Variants in GALNT13 observed in about 807,000 individuals in gnomAD.
GALNT13 encodes polypeptide N-acetylgalactosaminyltransferase 13, also known as UDP-GalNAc:polypeptide N-acetylgalactosaminyltransferase 13.
A neutral mutation model predicts 64.2 loss-of-function variants in GALNT13; 28 were observed. The ratio of observed to expected loss-of-function variants is 0.44; its 90% CI spans 0.32 to 0.60. The LOEUF (loss-of-function observed/expected upper bound fraction) is 0.60, where lower values mean the gene tolerates loss of function less well. Among genes scored for constraint, GALNT13 ranks in the 20% least tolerant of loss-of-function variants. GALNT13 has a pLI of 0.05. For missense variants in GALNT13, 577 were observed against 669.8 expected (o/e 0.86, Z 1.53); for synonymous variants, 214 against 224.6 (o/e 0.95, Z 0.42).
the GALNT13 span, among the ~76,000 whole-genome samples, chr2:153,648,727 G>A: frequency 2.0e-5 from 3 of 151,544 alleles, no homozygotes; most frequent in African/African-American, 7.3e-5. Context: ...AGATGATCAT[G>A]TGGTTTTTGT....
At chr2:153,805,525 T>A in the GALNT13 span, among the ~76,000 whole-genome samples, 1 of 152,048 alleles carries the variant, frequency 6.6e-6, no homozygotes, top group Non-Finnish European at 1.5e-5. Flanking sequence ...TAGAGAGACA[T>A]TGACATAACT....
At chr2:153,643,566 T>C in the GALNT13 span, among the ~76,000 whole-genome samples, 1 of 151,594 alleles carries the variant, frequency 6.6e-6, no homozygotes, top group African/African-American at 2.4e-5. Flanking sequence ...TAATCCAATC[T>C]CCACAAAATT....
At chr2:154,306,993 T>A in intron 9 of GALNT13, among the ~76,000 whole-genome samples, 1 of 118,346 alleles carries the variant, frequency 8.4e-6, no homozygotes, top group East Asian at 2.0e-4. Context: ...GGGCTGTTAT[T>A]TTTTTTTTTT....
At chr2:153,483,023 G>A in the GALNT13 span, among the ~76,000 whole-genome samples, 1 of 152,226 alleles carries the variant, frequency 6.6e-6, no homozygotes, top group Non-Finnish European at 1.5e-5. Flanking sequence ...TCTGGAAAGT[G>A]AGTGAAACAT....
At chr2:153,191,206 T>A in the GALNT13 span, among the ~76,000 whole-genome samples, 4 of 152,194 alleles carry the variant, frequency 2.6e-5, no homozygotes, top group South Asian at 8.3e-4. Flanking sequence ...GTTAGCTGTA[T>A]GTTTGTCTTA....
intron 3 of GALNT13, among the ~76,000 whole-genome samples, chr2:154,009,668 T>A (rs1574320665): frequency 6.6e-6 from 1 of 152,072 alleles, no homozygotes; most frequent in South Asian, 2.1e-4. Flanking sequence ...TTTTATAGTT[T>A]TAGTAGAGAG....
chr2:154,413,126 G>T (rs1457071638), intron 11 of GALNT13, among the ~76,000 whole-genome samples: 2 of 151,824 alleles, frequency 1.3e-5, no homozygotes, highest in African/African-American at 4.8e-5. Context: ...AGATTTACAT[G>T]TACAGCCCCA....
chr2:154,154,257 A>T (rs962615629), intron 4 of GALNT13, among the ~76,000 whole-genome samples: 12 of 152,232 alleles, frequency 7.9e-5, no homozygotes, highest in East Asian at 3.8e-4. Flanking sequence ...AGTAATTTTT[A>T]AAATGCAGAA....
In GALNT13 at chr2:154,217,595, C is replaced by G. The variant is rs957486910; in HGVS notation, c.312-24435C>G. On this transcript the variant is annotated intron_variant, in intron 4 of 12. Transcript: ENST00000392825. ...TAGACCATGCTGACGTTGTTGATCC[C>G]CTTATGTATACAAAGCTTTGGAAAT... Among the ~76,000 whole-genome samples the G allele has an allele frequency of 2.6e-5, 4 of 151,864 alleles. No individual in the cohort carries two copies. The East Asian group carries it at 7.7e-4, about 29-fold the overall frequency.
At chr2:153,147,546 T>C in the GALNT13 span, among the ~76,000 whole-genome samples, 1 of 151,322 alleles carries the variant, frequency 6.6e-6, no homozygotes, top group African/African-American at 2.4e-5. Context: ...TTAGACTTTT[T>C]TTTTTTTTTT....
intron 3 of GALNT13, among the ~76,000 whole-genome samples, chr2:154,054,091 CATT>C (rs1255744610): frequency 6.6e-6 from 1 of 152,038 alleles, no homozygotes; most frequent in Non-Finnish European, 1.5e-5. Context: ...TATAACAAAA[CATT>C]ATTCTTGCAC....
At chr2:154,147,695 A>G (rs1437226431) in intron 4 of GALNT13, among the ~76,000 whole-genome samples, 1 of 151,950 alleles carries the variant, frequency 6.6e-6, no homozygotes, top group East Asian at 1.9e-4. Context: ...AAGTTTACCA[A>G]ATACCTATTT....
the GALNT13 span, among the ~76,000 whole-genome samples, chr2:153,615,584 G>A: frequency 6.6e-6 from 1 of 152,052 alleles, no homozygotes; most frequent in South Asian, 2.1e-4. Context: ...ACAGAGGTGA[G>A]GCAATATTTC....
the GALNT13 span, among the ~76,000 whole-genome samples, chr2:153,767,754 GAAAATAGTGTAGTT>G: frequency 6.6e-6 from 1 of 150,734 alleles, no homozygotes; most frequent in South Asian, 2.1e-4. Flanking sequence ...GTCTTCCTTT[GAAAATAGTGTAGTT>G]CATGTTCTTT....
At chr2:153,291,562 C>G in the GALNT13 span, among the ~76,000 whole-genome samples, 1 of 152,104 alleles carries the variant, frequency 6.6e-6, no homozygotes. Flanking sequence ...TCATCCCCAC[C>G]ACCATGCTGG....
chr2:154,165,740 C>T (rs1227418439), intron 4 of GALNT13, among the ~76,000 whole-genome samples: 1 of 152,110 alleles, frequency 6.6e-6, no homozygotes, highest in Non-Finnish European at 1.5e-5. Flanking sequence ...TACCAAAGGG[C>T]ACTGATTGTA....
At chr2:153,088,372 G>C in the GALNT13 span, among the ~76,000 whole-genome samples, 2 of 151,950 alleles carry the variant, frequency 1.3e-5, no homozygotes, top group African/African-American at 4.8e-5. Context: ...AGGCTTTTTT[G>C]GTGACATATT....
chr2:154,163,738 T>C (rs1684869874), intron 4 of GALNT13, among the ~76,000 whole-genome samples: 2 of 152,074 alleles, frequency 1.3e-5, no homozygotes, highest in South Asian at 2.1e-4. Context: ...TTAATAACAA[T>C]GGGAAGTTAG....
At chr2:153,794,524 C>CTTT in the GALNT13 span, among the ~76,000 whole-genome samples, 36 of 146,376 alleles carry the variant, frequency 2.5e-4, no homozygotes, top group African/African-American at 5.5e-4. Context: ...ATTAGAATAA[C>CTTT]TTTTTTTTTT....
Sources: gnomAD v4.1 joint callset for allele counts (sites outside exome capture counted in the v4.1 genomes callset) on GRCh38, gnomAD v4.1.1 for gene constraint, MANE v1.5 for transcripts, NCBI Gene and HGNC (gene_info 2026-07-23, HGNC 2026-07-21) for gene names.